Variants in HDAC9 observed in about 807,000 individuals in gnomAD.
HDAC9 encodes the protein histone deacetylase 9, also known as MEF-2 interacting transcription repressor (MITR) protein.
HDAC9 carries 41 observed loss-of-function variants against 139.4 expected under a neutral mutation model. That is an observed-to-expected ratio of 0.29 (90% CI 0.23 to 0.38). HDAC9 has a LOEUF of 0.38. Among genes scored for constraint, HDAC9 ranks in the 10% least tolerant of loss-of-function variants. HDAC9 has a pLI of 1.00. For missense variants in HDAC9, 1,147 were observed against 1,297.0 expected (o/e 0.88, Z 1.78); for synonymous variants, 517 against 476.2 (o/e 1.09, Z -1.12).
intron 2 of HDAC9, among the ~76,000 whole-genome samples, chr7:18,176,788 C>G (rs1788942041): frequency 6.6e-6 from 1 of 151,884 alleles, no homozygotes; most frequent in East Asian, 1.9e-4. Flanking sequence ...CATTTTTATC[C>G]TTTTGTCTGT....
intron 22 of HDAC9, among the ~76,000 whole-genome samples, chr7:18,919,019 G>C (rs529765102): frequency 6.6e-6 from 1 of 151,956 alleles, no homozygotes; most frequent in African/African-American, 2.4e-5. Flanking sequence ...TGGTAATAAA[G>C]AGGTAATTAC....
chr7:18,548,466 AT>A, intron 2 of HDAC9, among the ~76,000 whole-genome samples: 1 of 152,330 alleles, frequency 6.6e-6, no homozygotes, highest in South Asian at 2.1e-4. Flanking sequence ...AAGAGGAAAA[AT>A]ATCTACAAAG....
At chr7:18,451,713 G>C (rs1042588317) in intron 1 of HDAC9, among the ~76,000 whole-genome samples, 1 of 151,842 alleles carries the variant, frequency 6.6e-6, no homozygotes, top group Non-Finnish European at 1.5e-5. Flanking sequence ...GGGGTTGGGT[G>C]GGGGGAAACA....
At chr7:18,533,494 C>G (rs1809754986) in intron 2 of HDAC9, among the ~76,000 whole-genome samples, 1 of 152,098 alleles carries the variant, frequency 6.6e-6, no homozygotes, top group Admixed American at 6.6e-5. Context: ...ATTTGTATGA[C>G]TGGGCATAGA....
At chr7:18,414,945 T>G (rs1788911844) in intron 1 of HDAC9, among the ~76,000 whole-genome samples, 1 of 152,244 alleles carries the variant, frequency 6.6e-6, no homozygotes, top group South Asian at 2.1e-4. Flanking sequence ...CTGCTTTCCG[T>G]GGCTTCCTAC....
intron 2 of HDAC9, among the ~76,000 whole-genome samples, chr7:18,285,097 T>A (rs988936581): frequency 2.0e-5 from 3 of 152,158 alleles, no homozygotes; most frequent in Non-Finnish European, 4.4e-5. Context: ...GGACACAGTC[T>A]TCACACTCTG....
intron 1 of HDAC9, among the ~76,000 whole-genome samples, chr7:18,391,013 C>T (rs117547869): frequency 0.01 from 1,524 of 152,118 alleles, 9 homozygotes; most frequent in South Asian, 0.017. Context: ...TGCTTGAACC[C>T]GGGAAGTGGA....
At chr7:18,313,790 A>G (rs1799467799) in intron 1 of HDAC9, among the ~76,000 whole-genome samples, 3 of 152,206 alleles carry the variant, frequency 2.0e-5, no homozygotes, top group African/African-American at 7.2e-5. Context: ...GCTGCATTCT[A>G]CTTAATACAC....
intron 25 of HDAC9, among the ~76,000 whole-genome samples, chr7:18,988,987 G>A (rs12672415): frequency 0.45 from 27,669 of 61,906 alleles, 9,415 homozygotes; most frequent in East Asian, 0.65. Flanking sequence ...TCCTGAATAC[G>A]GCACACTGAT....
chr7:18,906,021 TG>T (rs1429968422), intron 22 of HDAC9, among the ~76,000 whole-genome samples: 1 of 151,716 alleles, frequency 6.6e-6, no homozygotes, highest in Non-Finnish European at 1.5e-5. Context: ...TCTTTCTTTT[TG>T]CTTTCTTTCT....
chr7:18,663,106 C>T (rs1159453709), intron 11 of HDAC9, among the ~76,000 whole-genome samples: 2 of 151,886 alleles, frequency 1.3e-5, no homozygotes, highest in Non-Finnish European at 1.5e-5. Context: ...CTTGGAAAAC[C>T]CACTAGAATG....
chr7:18,304,282 T>G (rs1435287466), intron 1 of HDAC9, among the ~76,000 whole-genome samples: 2 of 152,214 alleles, frequency 1.3e-5, no homozygotes, highest in Non-Finnish European at 2.9e-5. Context: ...ATGGGAGCTT[T>G]GAGGAATGAT....
intron 23 of HDAC9, chr7:18,949,450 T>A (rs1782635260): frequency 4.4e-6 from 1 of 226,408 alleles, no homozygotes; most frequent in Non-Finnish European, 9.2e-6. Flanking sequence ...CCCTGAACTA[T>A]GCTTCAACCA....
intron 1 of HDAC9, among the ~76,000 whole-genome samples, chr7:18,448,052 G>T (rs1411923120): frequency 6.6e-6 from 1 of 152,136 alleles, no homozygotes; most frequent in Admixed American, 6.6e-5. Context: ...AGTGGGCCAG[G>T]CTGGTCTCCA....
chr7:18,963,695 A>G (rs1222531463), intron 24 of HDAC9, among the ~76,000 whole-genome samples: 1 of 152,236 alleles, frequency 6.6e-6, no homozygotes, highest in Admixed American at 6.5e-5. Flanking sequence ...TGGATAAAGA[A>G]TGAAAAAGGA....
chr7:18,235,118 T>C (rs1189688410), intron 2 of HDAC9, among the ~76,000 whole-genome samples: 1 of 152,182 alleles, frequency 6.6e-6, no homozygotes, highest in Non-Finnish European at 1.5e-5. Flanking sequence ...TCCCATTTGA[T>C]GTGGAAAATC....
chr7:18,510,000 C>T (rs1800979919), intron 2 of HDAC9, among the ~76,000 whole-genome samples: 1 of 152,128 alleles, frequency 6.6e-6, no homozygotes, highest in East Asian at 1.9e-4. Flanking sequence ...AGTGTTATTG[C>T]ACAATGTGTT....
intron 1 of HDAC9, among the ~76,000 whole-genome samples, chr7:18,384,382 T>C (rs193075282): frequency 6.6e-4 from 101 of 152,218 alleles, no homozygotes; most frequent in African/African-American, 2.0e-3. Context: ...TGCTAAAATA[T>C]TTATAGTCAT....
chr7:18,139,582 T>C (rs1000294566), intron 1 of HDAC9, among the ~76,000 whole-genome samples: 1 of 152,228 alleles, frequency 6.6e-6, no homozygotes, highest in Non-Finnish European at 1.5e-5. Context: ...TATGTTGGAC[T>C]GTATGAGACA....
Sources: allele counts gnomAD v4.1 joint callset (sites outside exome capture counted in the v4.1 genomes callset), GRCh38; gene constraint gnomAD v4.1.1; transcripts MANE v1.5; gene names NCBI Gene and HGNC (gene_info 2026-07-23, HGNC 2026-07-21).